Variants in CD34 observed in about 807,000 individuals in gnomAD.
The protein encoded by CD34 is CD34 molecule.
In CD34, 34 loss-of-function variants were observed where a neutral mutation model predicts 40.1. The observed-to-expected ratio is 0.85, with a 90% confidence interval of 0.65 to 1.13. The LOEUF is 1.13. Ranked by LOEUF, CD34 falls within the 50% of genes most tolerant of loss-of-function variation. CD34 has a pLI of 0.00. For synonymous variants in CD34, 209 were observed against 190.0 expected, an observed-to-expected ratio of 1.10 and a Z score of -0.82; for missense variants, 426 against 466.9, an observed-to-expected ratio of 0.91 and a Z score of 0.81.
intron 4 of CD34, 97 bp from the exon 5 acceptor site, chr1:207,889,718 G>A (rs200795517): frequency 3.5e-5 from 56 of 1,597,740 alleles, no homozygotes; most frequent in African/African-American, 2.0e-4. Context: ...CTCTTACCCC[G>A]TCCGCAAGAA....
Position 207,888,719 on chromosome 1 carries a change from A to T in CD34, c.935T>A (p.Met312Lys). The change falls in exon 7 of 8, where the codon ATG becomes AAG. Residue 312 changes from methionine to lysine, a missense_variant. Transcript: ENST00000310833. ...TGTGGGGCTCCAGCTGCGGCGATTC[A>T]TCAGGAAATAGCCAGTGATGCCCAA... is the stretch of plus-strand genomic sequence containing the variant. ...AVLGITGYFL[M>K]NRRSWSPTGE... 6.2e-7 allele frequency: 1 copy of T among 1,614,192 alleles called. No homozygotes were observed. Among genetic ancestry groups the T allele is most frequent in the Admixed American group, 1.7e-5 (1 of 60,024 alleles).
chr1:207,892,170 G>A (rs1053642106), intron 4 of CD34, among the ~76,000 whole-genome samples: 1 of 152,120 alleles, frequency 6.6e-6, no homozygotes, highest in Admixed American at 6.5e-5. Context: ...AACCAGACTG[G>A]GCATCAATCC....
In CD34 at chr1:207,885,998, T is replaced by A. The variant is rs1571764007; in HGVS notation, c.*1740A>T. The A allele has an allele frequency of 9.3e-6, 1 of 107,546 alleles. No homozygotes were observed. The highest frequency in any genetic ancestry group is 1.9e-5 in the Non-Finnish European group (1 of 51,420). 6.7% of individuals were successfully genotyped at this position (107,546 alleles called of 1,614,324 possible). On this transcript the variant is annotated 3_prime_UTR_variant, in exon 8 of 8. Coordinates refer to ENST00000310833, the MANE Select transcript of CD34 (RefSeq NM_001025109.2). ...CTGGGGGGAGGTACATGCTTACAGATTTTTTTTTTAATTAGGCTGCTGTCT... is the reference window on the plus strand; with the variant it reads ...CTGGGGGGAGGTACATGCTTACAGAATTTTTTTTTAATTAGGCTGCTGTCT...
chr1:207,910,187 G>A (rs1662476787), intron 1 of CD34, among the ~76,000 whole-genome samples: 1 of 152,116 alleles, frequency 6.6e-6, no homozygotes, highest in South Asian at 2.1e-4. Flanking sequence ...AGGTGAGTGG[G>A]GGCAGTGTTC....
chr1:207,889,944 A>C lies in CD34; in HGVS notation c.598-323T>G, dbSNP rs889939700. On this transcript the variant is annotated intron_variant, in intron 4 of 7. Coordinates refer to ENST00000310833, the MANE Select transcript of CD34 (RefSeq NM_001025109.2). ...TTAAACTCAAAAGAAATGGCCAAAA[A>C]CAGAAAATATTAATAATGCAATAAT... 82 of 1,478,140 alleles carry C rather than the reference A, an allele frequency of 5.5e-5. 1 individual carries two copies. The highest frequency in any genetic ancestry group is 3.1e-4 in the Admixed American group (10 of 32,296). The allele number at this position is 1,478,140 out of a possible 1,614,324, so 91.6% of individuals were successfully genotyped here.
rs1254648777 is a variant in CD34, at chr1:207,881,263, TATTTTCCTTTTTCAC to T, written c.*6460_*6474del. The T allele has an allele frequency of 6.6e-6, 1 of 152,246 alleles. No homozygotes were observed. The highest frequency in any genetic ancestry group is 1.5e-5 in the Non-Finnish European group (1 of 68,044). 9.4% of individuals were successfully genotyped at this position (152,246 alleles called of 1,614,324 possible). A position where few individuals can be genotyped will look rare whatever the true frequency, so the allele number is the denominator to read the frequency against. On this transcript the variant is annotated 3_prime_UTR_variant, in exon 8 of 8. Coordinates refer to ENST00000310833, the MANE Select transcript of CD34 (RefSeq NM_001025109.2). ...AATTTGAATAATAATACTACAAATC[TATTTTCCTTTTTCAC>T]ATTCATTCTTTCACAAGTATACAGT... is the stretch of plus-strand genomic sequence containing the variant.
Position 207,886,987 on chromosome 1 carries a change from G to T in CD34, c.*751C>A. 1 of 152,606 alleles carries T rather than the reference G, an allele frequency of 6.6e-6. No homozygotes were observed. Among genetic ancestry groups the T allele is most frequent in the Non-Finnish European group, 1.5e-5 (1 of 68,236 alleles). The allele number at this position is 152,606 out of a possible 1,614,324, so 9.5% of individuals were successfully genotyped here. ...CTCCAAGACCTGGTCCCATGGTCCT[G>T]CCTACTTTGATCCAGAGGGAGAAAA... On this transcript the variant is annotated 3_prime_UTR_variant, in exon 8 of 8. Transcript: ENST00000310833.
At chr1:207,898,547 C>T (rs1461386097) in intron 3 of CD34, among the ~76,000 whole-genome samples, 2 of 152,216 alleles carry the variant, frequency 1.3e-5, no homozygotes, top group Admixed American at 6.5e-5. Context: ...CTGTGCCTGG[C>T]ACAACCACCA....
chr1:207,899,168 G>A lies in CD34; in HGVS notation c.321C>T (p.Asn107=). 1 of 1,614,184 alleles carries A rather than the reference G, an allele frequency of 6.2e-7. No homozygotes were observed. Among genetic ancestry groups the A allele is most frequent in the Non-Finnish European group, 8.5e-7 (1 of 1,179,988 alleles). ...SVITSVYGNT[N]SSVQSQTSVI... is the part of the protein sequence containing the mutation. ...CAGAGGTCTGTGACTGGACAGAAGA[G>A]TTTGTGTTTCCATAAACTGAGGTTA... Residue 107 remains asparagine, a synonymous_variant, in exon 3 of 8, where the codon AAC becomes AAT. Coordinates refer to ENST00000310833, the MANE Select transcript of CD34 (RefSeq NM_001025109.2).
chr1:207,895,788 C>A (rs769643296), intron 4 of CD34, among the ~76,000 whole-genome samples: 1 of 152,154 alleles, frequency 6.6e-6, no homozygotes, highest in Non-Finnish European at 1.5e-5. Context: ...TCCACCAAGT[C>A]GATGGGGTTG....
intron 1 of CD34, among the ~76,000 whole-genome samples, chr1:207,910,099 C>T (rs886964640): frequency 6.6e-6 from 1 of 152,174 alleles, no homozygotes; most frequent in East Asian, 1.9e-4. Flanking sequence ...GGAAAGTAAT[C>T]GAGTATAAAT....
At chr1:207,891,907 G>T (rs1237969916) in intron 4 of CD34, among the ~76,000 whole-genome samples, 2 of 152,052 alleles carry the variant, frequency 1.3e-5, no homozygotes, top group African/African-American at 4.8e-5. Context: ...GTGAGGACAC[G>T]TCTGGTTAAG....
chr1:207,896,509 A>T (rs1195258681), intron 4 of CD34, among the ~76,000 whole-genome samples: 1 of 152,220 alleles, frequency 6.6e-6, no homozygotes, highest in African/African-American at 2.4e-5. Flanking sequence ...AAATTCAAGA[A>T]ACTGGCCAAA....
intron 4 of CD34, 146 bp from the exon 5 acceptor site, chr1:207,889,767 A>AG (rs1661992478): frequency 6.3e-7 from 1 of 1,583,616 alleles, no homozygotes; most frequent in East Asian, 2.2e-5. Context: ...AAAAAAAAAA[A>AG]CTGCTAACTG....
intron 1 of CD34, among the ~76,000 whole-genome samples, chr1:207,901,447 A>G (rs982129523): frequency 1.3e-5 from 2 of 152,258 alleles, no homozygotes. Flanking sequence ...GACTGCTTGC[A>G]GGGAGAAGAG....
chr1:207,911,013 A>G lies in CD34; in HGVS notation c.68T>C (p.Leu23Pro). 1 of 1,590,746 alleles carries G rather than the reference A, an allele frequency of 6.3e-7. No individual in the cohort carries two copies. The highest frequency in any genetic ancestry group is 8.5e-7 in the Non-Finnish European group (1 of 1,171,566). The stretch of plus-strand genomic sequence containing the variant: ...CGGGCGGTACTCACGCAGCAAACTC[A>G]GCAAGCAAAGCGCGGTCCAGCCCCG... ...MPRGWTALCL[L>P]SLLPSGFMSL... The change falls in exon 1 of 8, where the codon CTG becomes CCG. Residue 23 changes from leucine (L) to proline (P), a missense_variant. By Grantham distance (98) the Leu-to-Pro change is moderately conservative. Transcript: ENST00000310833.
Position 207,886,340 on chromosome 1 carries a change from C to T in CD34, c.*1398G>A, listed in dbSNP as rs926184677. ...TTCTACCACTGGAAATGGATGTTTC[C>T]TCTCCCCATGGAGGAGAATAGTTGG... On this transcript the variant is annotated 3_prime_UTR_variant, in exon 8 of 8. Transcript: ENST00000310833. The T allele has an allele frequency of 3.3e-5, 5 of 152,206 alleles. No homozygotes were observed. In the East Asian group the frequency reaches 9.6e-4, roughly 29 times the overall value. The allele number at this position is 152,206 out of a possible 1,614,324, so 9.4% of individuals were successfully genotyped here.
rs1303187101 is a variant in CD34, at chr1:207,897,548, C to G, written c.542G>C (p.Arg181Thr). ...GATGCCCTGAGTCAATTTCACTTCT[C>G]TGATGCCTGAACATTTGATTTCTGC... is the stretch of plus-strand genomic sequence containing the variant. The part of the protein sequence containing the change: ...IKAEIKCSGI[R>T]EVKLTQGICL... The change falls in exon 4 of 8, where the codon AGA becomes ACA. Residue 181 changes from arginine (R) to threonine (T), a missense_variant. Arg to Thr is a moderately conservative substitution (Grantham distance 71). Coordinates refer to ENST00000310833, the MANE Select transcript of CD34 (RefSeq NM_001025109.2). 1 of 1,557,196 alleles carries G rather than the reference C, an allele frequency of 6.4e-7. No individual in the cohort carries two copies. The highest frequency in any genetic ancestry group is 8.7e-7 in the Non-Finnish European group (1 of 1,148,988).
In CD34 at chr1:207,910,966, G is replaced by T. The variant is rs776600352; in HGVS notation, c.79+36C>A. ...AGAAAGCCTCCACCCTCCCCGCGGC[G>T]AAGCCAAGCGGCCGCGGCGCGCGGG... On this transcript the variant is annotated intron_variant, in intron 1 of 7. Coordinates refer to ENST00000310833, the MANE Select transcript of CD34 (RefSeq NM_001025109.2). 7 of 1,546,848 alleles carry T rather than the reference G, an allele frequency of 4.5e-6. No homozygotes were observed. In the East Asian group the frequency reaches 1.7e-4, roughly 37 times the overall value.
Sources: allele counts gnomAD v4.1 joint callset (sites outside exome capture counted in the v4.1 genomes callset), GRCh38; gene constraint gnomAD v4.1.1; transcripts MANE v1.5; gene names NCBI Gene and HGNC (gene_info 2026-07-23, HGNC 2026-07-21).